PCDH7: variants seen among roughly 807,000 people sequenced by gnomAD.
PCDH7 encodes the protein protocadherin-7.
PCDH7 carries 17 observed loss-of-function variants against 58.9 expected under a neutral mutation model. That is an observed-to-expected ratio of 0.29 (90% confidence interval 0.20 to 0.43). The LOEUF is 0.43. PCDH7 is among the 20% of genes least tolerant of loss of function. PCDH7 has a pLI of 1.00. For missense variants in PCDH7, 1,274 were observed against 1,441.0 expected, an observed-to-expected ratio of 0.88 and a Z score of 1.88; for synonymous variants, 664 against 616.4, an observed-to-expected ratio of 1.08 and a Z score of -1.14.
At chr4:30,757,365 T>C (rs942215320) in intron 1 of PCDH7, among the ~76,000 whole-genome samples, 2 of 152,166 alleles carry the variant, frequency 1.3e-5, no homozygotes, top group African/African-American at 2.4e-5. Context: ...GTAGCACCAA[T>C]AGGATAAAGC....
Position 31,089,269 on chromosome 4 carries a change from A to G in PCDH7, c.*8-53204A>G, listed in dbSNP as rs529120285. On this transcript the variant is annotated intron_variant, in intron 3 of 3. Transcript: ENST00000509759. The stretch of plus-strand genomic sequence containing the variant: ...AACCATAAAAATGTTACAGTTTACA[A>G]TGAACATAATATAATATATTTTAGG... 8.5e-5 allele frequency among the ~76,000 whole-genome samples: 13 copies of G among 152,228 alleles called. No individual in the cohort carries two copies. The East Asian group carries it at 2.5e-3, about 29-fold the overall frequency.
intron 3 of PCDH7, among the ~76,000 whole-genome samples, chr4:30,959,085 T>A (rs567786925): frequency 6.6e-6 from 1 of 152,190 alleles, no homozygotes; most frequent in Non-Finnish European, 1.5e-5. Flanking sequence ...ATCACTAGAT[T>A]TTCCAAAGAT....
chr4:30,881,640 C>T (rs538406791), intron 1 of PCDH7, among the ~76,000 whole-genome samples: 2 of 152,160 alleles, frequency 1.3e-5, no homozygotes, highest in African/African-American at 4.8e-5. Context: ...CCTGAAGGAG[C>T]CTTTTCATTT....
chr4:31,115,539 G>A (rs561413584), intron 3 of PCDH7, among the ~76,000 whole-genome samples: 134 of 152,018 alleles, frequency 8.8e-4, no homozygotes, highest in African/African-American at 3.1e-3. Flanking sequence ...AGTTTCTCAC[G>A]TATGTATATT....
chr4:30,856,653 A>G (rs890843224), intron 1 of PCDH7, among the ~76,000 whole-genome samples: 1 of 150,778 alleles, frequency 6.6e-6, no homozygotes, highest in Non-Finnish European at 1.5e-5. Flanking sequence ...TGTGAAGTGA[A>G]TTGTAAGTAA....
At chr4:30,833,420 C>T (rs1300646254) in intron 1 of PCDH7, among the ~76,000 whole-genome samples, 1 of 152,184 alleles carries the variant, frequency 6.6e-6, no homozygotes, top group Non-Finnish European at 1.5e-5. Context: ...AAATTCTTAT[C>T]ACTCTGACAC....
intron 1 of PCDH7, among the ~76,000 whole-genome samples, chr4:30,889,500 A>T (rs1239172543): frequency 1.3e-5 from 2 of 152,202 alleles, no homozygotes; most frequent in Non-Finnish European, 2.9e-5. Context: ...ACAATGTTAT[A>T]GTAAAACAAT....
At chr4:30,915,726 G>C (rs1277006678) in intron 1 of PCDH7, among the ~76,000 whole-genome samples, 8 of 152,096 alleles carry the variant, frequency 5.3e-5, no homozygotes, top group African/African-American at 1.9e-4. Flanking sequence ...GTTTCACCAT[G>C]TTGGCCAGGA....
chr4:30,908,787 A>G (rs978364061), intron 1 of PCDH7, among the ~76,000 whole-genome samples: 1 of 152,134 alleles, frequency 6.6e-6, no homozygotes, highest in African/African-American at 2.4e-5. Flanking sequence ...TTCTGAAACT[A>G]TTCCAAACAA....
intron 3 of PCDH7, among the ~76,000 whole-genome samples, chr4:31,029,259 G>C (rs2109183060): frequency 6.6e-6 from 1 of 152,206 alleles, no homozygotes; most frequent in African/African-American, 2.4e-5. Context: ...TTTTGGTGTT[G>C]GAGATTCTGT....
At chr4:31,034,989 A>C (rs533047651) in intron 3 of PCDH7, among the ~76,000 whole-genome samples, 3 of 152,268 alleles carry the variant, frequency 2.0e-5, no homozygotes, top group Admixed American at 1.3e-4. Context: ...TGTATCCTCA[A>C]CTCTGAGACA....
intron 3 of PCDH7, among the ~76,000 whole-genome samples, chr4:31,065,669 G>C (rs559717530): frequency 6.6e-6 from 1 of 151,910 alleles, no homozygotes; most frequent in Admixed American, 6.6e-5. Flanking sequence ...AGTCTTAAAC[G>C]TCTTGTCTCT....
At chr4:31,026,216 G>A (rs532203497) in intron 3 of PCDH7, among the ~76,000 whole-genome samples, 2 of 152,216 alleles carry the variant, frequency 1.3e-5, no homozygotes, top group African/African-American at 2.4e-5. Flanking sequence ...TTTTTCTTGA[G>A]TTCCTTCCAA....
At chr4:30,906,335 G>A (rs1740919235) in intron 1 of PCDH7, among the ~76,000 whole-genome samples, 1 of 152,066 alleles carries the variant, frequency 6.6e-6, no homozygotes, top group African/African-American at 2.4e-5. Context: ...TAAAGTTGAA[G>A]GTATTAATGC....
At chr4:31,116,325 T>C (rs1237532289) in intron 3 of PCDH7, among the ~76,000 whole-genome samples, 7 of 152,210 alleles carry the variant, frequency 4.6e-5, no homozygotes, top group African/African-American at 2.4e-5. Context: ...ATAAATGCTG[T>C]TTGCATACTT....
chr4:30,999,938 T>C (rs1752220189), intron 3 of PCDH7, among the ~76,000 whole-genome samples: 2 of 152,184 alleles, frequency 1.3e-5, no homozygotes, highest in Admixed American at 1.3e-4. Flanking sequence ...TGGCAACATT[T>C]GTATAACCCT....
chr4:31,126,060 C>T (rs553224296), intron 3 of PCDH7, among the ~76,000 whole-genome samples: 45 of 152,068 alleles, frequency 3.0e-4, no homozygotes, highest in African/African-American at 8.9e-4. Flanking sequence ...CCATAGCTTC[C>T]TCATCTGTAA....
chr4:31,074,405 G>A (rs548164005), intron 3 of PCDH7, among the ~76,000 whole-genome samples: 2 of 152,044 alleles, frequency 1.3e-5, no homozygotes, highest in South Asian at 4.1e-4. Context: ...GTTAATGACA[G>A]CGAGTACAAA....
chr4:30,824,087 CT>C (rs1470534190), intron 1 of PCDH7, among the ~76,000 whole-genome samples: 7 of 19,558 alleles, frequency 3.6e-4, no homozygotes, highest in African/African-American at 1.8e-3. Context: ...TCTTTTCTTT[CT>C]TTCTTTCTTT....
Sources: allele counts gnomAD v4.1 joint callset (sites outside exome capture counted in the v4.1 genomes callset), GRCh38; gene constraint gnomAD v4.1.1; transcripts MANE v1.5; gene names NCBI Gene and HGNC (gene_info 2026-07-23, HGNC 2026-07-21).